Variants in ATG4A observed in about 807,000 individuals in gnomAD.
ATG4A encodes the protein autophagy related 4A cysteine peptidase.
In ATG4A, 22 loss-of-function variants were observed where a neutral mutation model predicts 38.4. The ratio of observed to expected loss-of-function variants is 0.57; its 90% CI spans 0.41 to 0.82. The LOEUF (loss-of-function observed/expected upper bound fraction) is 0.82, where lower values mean the gene tolerates loss of function less well. Ranked by LOEUF, ATG4A falls within the 40% of genes least tolerant of loss-of-function variation. The pLI is 0.00. For synonymous variants in ATG4A, 86 were observed against 100.7 expected (o/e 0.85, Z 0.88); for missense variants, 220 against 290.0 (o/e 0.76, Z 1.75).
At chrX:108,095,390 A>G (rs1339740283) in intron 1 of ATG4A, among the ~76,000 whole-genome samples, 4 of 111,177 alleles carry the variant, frequency 3.6e-5, no homozygotes, top group African/African-American at 6.5e-5. Flanking sequence ...ACACTCAGCC[A>G]ATTTATGATT....
chrX:108,096,701 G>A (rs1375973169), intron 1 of ATG4A, among the ~76,000 whole-genome samples: 4 of 109,670 alleles, frequency 3.6e-5, no homozygotes, highest in South Asian at 3.8e-4. Flanking sequence ...GTTATGTTAT[G>A]TTATGTTATG....
At chrX:108,091,458 C>T (rs1411062795), upstream of ATG4A, 8 of 1,211,468 alleles carry the variant, frequency 6.6e-6, no homozygotes, top group Non-Finnish European at 8.9e-6. Context: ...TCTCCTTCAA[C>T]TCTTCCAGCT....
intron 1 of ATG4A, among the ~76,000 whole-genome samples, chrX:108,096,542 G>C (rs755812883): frequency 1.0e-3 from 112 of 112,290 alleles, no homozygotes; most frequent in Non-Finnish European, 1.1e-3. Flanking sequence ...CCATAAAAAT[G>C]CATCAAGTAC....
chrX:108,133,248 A>G (rs955272213), intron 4 of ATG4A, among the ~76,000 whole-genome samples: 1 of 112,491 alleles, frequency 8.9e-6, no homozygotes, highest in Non-Finnish European at 1.9e-5. Flanking sequence ...TTTGTCTTGG[A>G]CGCAAACTAA....
intron 11 of ATG4A, 117 bp downstream of exon 11, chrX:108,151,975 A>G (rs774791786): frequency 7.3e-4 from 488 of 672,543 alleles, no homozygotes; most frequent in Non-Finnish European, 9.6e-4. Flanking sequence ...ACTGCAAGAG[A>G]AAGAAACTAA....
At chrX:108,136,074 G>T (rs762251735) in intron 6 of ATG4A, among the ~76,000 whole-genome samples, 69 of 111,266 alleles carry the variant, frequency 6.2e-4, no homozygotes, top group African/African-American at 2.2e-3. Flanking sequence ...GAGCCACCAC[G>T]CCTGGTGTAG....
At chrX:108,128,387 G>A (rs187477509) in intron 2 of ATG4A, among the ~76,000 whole-genome samples, 2 of 111,598 alleles carry the variant, frequency 1.8e-5, no homozygotes, top group Admixed American at 1.9e-4. Context: ...TTAGATAAGG[G>A]ATGATGGGTG....
chrX:108,118,294 C>G (rs751759009), intron 1 of ATG4A, among the ~76,000 whole-genome samples: 11 of 111,843 alleles, frequency 9.8e-5, no homozygotes, highest in Admixed American at 9.5e-4. Flanking sequence ...CAACGACTTT[C>G]TCATTGGTCT....
intron 7 of ATG4A, 23 bp downstream of exon 7, chrX:108,137,193 T>A: frequency 8.7e-7 from 1 of 1,147,997 alleles, no homozygotes; most frequent in Non-Finnish European, 1.2e-6. Context: ...CCTGTTTAAC[T>A]TCCCAGCTGA....
At chrX:108,095,289 A>G (rs1401464156) in intron 1 of ATG4A, among the ~76,000 whole-genome samples, 2 of 112,094 alleles carry the variant, frequency 1.8e-5, no homozygotes, top group African/African-American at 6.5e-5. Context: ...CAGTGGCACG[A>G]TCACGGCTCA....
At chrX:108,130,633 G>T (rs2032929738) in intron 3 of ATG4A, among the ~76,000 whole-genome samples, 1 of 112,113 alleles carries the variant, frequency 8.9e-6, no homozygotes. Flanking sequence ...ATAGTAGGCA[G>T]AGTATGTACT....
chrX:108,152,700 C>T (rs760150998), intron 11 of ATG4A, among the ~76,000 whole-genome samples: 2 of 111,994 alleles, frequency 1.8e-5, no homozygotes, highest in African/African-American at 3.2e-5. Flanking sequence ...TGGACCCATG[C>T]GTCTGGCACA....
At chrX:108,092,775 G>T (rs1390324459) in intron 1 of ATG4A, among the ~76,000 whole-genome samples, 1 of 111,455 alleles carries the variant, frequency 9.0e-6, no homozygotes, top group Non-Finnish European at 1.9e-5. Flanking sequence ...CTTTTTAGGG[G>T]ATAATATTTT....
intron 1 of ATG4A, among the ~76,000 whole-genome samples, chrX:108,114,970 TG>T (rs1378217034): frequency 8.9e-6 from 1 of 111,754 alleles, no homozygotes; most frequent in Non-Finnish European, 1.9e-5. Flanking sequence ...TTTATAAATT[TG>T]TAGTCAAAGC....
At chrX:108,100,669 T>G (rs1339626674) in intron 1 of ATG4A, among the ~76,000 whole-genome samples, 2 of 112,302 alleles carry the variant, frequency 1.8e-5, no homozygotes, top group Admixed American at 1.9e-4. Flanking sequence ...TGATATGATC[T>G]TGTGATTTTT....
intron 9 of ATG4A, among the ~76,000 whole-genome samples, chrX:108,139,908 G>A (rs2033193723): frequency 9.0e-6 from 1 of 111,205 alleles, no homozygotes; most frequent in Non-Finnish European, 1.9e-5. Flanking sequence ...AGAGGCAAAG[G>A]AGCTTTCTGG....
At chrX:108,118,652 C>T (rs1220697411) in intron 1 of ATG4A, among the ~76,000 whole-genome samples, 1 of 111,321 alleles carries the variant, frequency 9.0e-6, no homozygotes, top group East Asian at 2.8e-4. Context: ...TTGTCAATAT[C>T]CCCCAGAACC....
chrX:108,135,650 G>A (rs2033080185), intron 6 of ATG4A, among the ~76,000 whole-genome samples: 2 of 111,911 alleles, frequency 1.8e-5, no homozygotes, highest in African/African-American at 6.5e-5. Context: ...AACGTAGTGT[G>A]GAAAGTATAA....
At chrX:108,107,608 A>T (rs1002507167) in intron 1 of ATG4A, among the ~76,000 whole-genome samples, 12 of 111,596 alleles carry the variant, frequency 1.1e-4, no homozygotes, top group African/African-American at 3.9e-4. Flanking sequence ...TGGGCATTTT[A>T]TGAGACTCTG....
Sources: gnomAD v4.1 joint callset for allele counts (sites outside exome capture counted in the v4.1 genomes callset) on GRCh38, gnomAD v4.1.1 for gene constraint, MANE v1.5 for transcripts, NCBI Gene and HGNC (gene_info 2026-07-23, HGNC 2026-07-21) for gene names.